The following LAMB4 variants were observed in gnomAD, a reference collection of about 807,000 sequenced individuals.
LAMB4 encodes laminin subunit beta 4, also known as laminin subunit beta-4.
LAMB4 carries 196 observed loss-of-function variants against 199.2 expected under a neutral mutation model. That is an observed-to-expected ratio of 0.98 (90% CI 0.88 to 1.11). The LOEUF is 1.11. LAMB4 is among the 50% of genes least tolerant of loss of function. LAMB4 has a pLI of 0.00. For missense variants in LAMB4, 2,080 were observed against 2,171.2 expected, an observed-to-expected ratio of 0.96 and a Z score of 0.83; for synonymous variants, 744 against 770.6, an observed-to-expected ratio of 0.97 and a Z score of 0.57.
intron 2 of LAMB4, among the ~76,000 whole-genome samples, chr7:108,121,192 G>A (rs912067058): frequency 6.6e-6 from 1 of 152,166 alleles, no homozygotes; most frequent in African/African-American, 2.4e-5. Flanking sequence ...AAGATAGAAT[G>A]TTATGAACTT....
rs867930542 is a variant in LAMB4 at position 108,065,920 on chromosome 7, C to T, written c.2679-1G>A. ...ATTTCCATAGTAACCATCAATACAC[C>T]TGTCAAGACAATTTCCTTTCACCAA... is the stretch of plus-strand genomic sequence containing the variant. On this transcript the variant is annotated splice_acceptor_variant, in intron 20 of 33. Transcript: ENST00000388781. LOFTEE classifies it high-confidence loss of function. The T allele has an allele frequency of 1.2e-6, 2 of 1,608,970 alleles. No homozygotes were observed. Among genetic ancestry groups the T allele is most frequent in the Admixed American group, 1.7e-5 (1 of 58,678 alleles).
chr7:108,092,008 C>A lies in LAMB4; in HGVS notation c.1551-232G>T, dbSNP rs140626231. Among the ~76,000 whole-genome samples, 1,428 of 152,212 alleles carry A rather than the reference C, an allele frequency of 9.4e-3. 7 individuals are homozygous for A. Among genetic ancestry groups the A allele is most frequent in the Middle Eastern group, 0.017 (5 of 294 alleles). Reference sequence around the variant, plus strand: ...ACTTTCCCCACCCTCCGCCCCCAACCCCCCACTGCCAGGTTCTGCTCTAAA... The same window carrying A: ...ACTTTCCCCACCCTCCGCCCCCAACACCCCACTGCCAGGTTCTGCTCTAAA... On this transcript the variant is annotated intron_variant, in intron 13 of 33. Coordinates refer to ENST00000388781, the MANE Select transcript of LAMB4 (RefSeq NM_007356.3).
At chr7:108,064,750 G>GGAA (rs2036277645) in intron 21 of LAMB4, among the ~76,000 whole-genome samples, 1 of 152,064 alleles carries the variant, frequency 6.6e-6, no homozygotes, top group Middle Eastern at 3.4e-3. Flanking sequence ...ACAAATGAGG[G>GGAA]GAAAATCAGG....
At chr7:108,114,350 G>T (rs762077310) in intron 3 of LAMB4, among the ~76,000 whole-genome samples, 17 of 152,134 alleles carry the variant, frequency 1.1e-4, no homozygotes, top group Non-Finnish European at 2.1e-4. Context: ...GAGGTGGGAA[G>T]ATCACCTGAG....
At chr7:108,089,056 A>C (rs1226892895) in intron 14 of LAMB4, among the ~76,000 whole-genome samples, 5 of 152,134 alleles carry the variant, frequency 3.3e-5, no homozygotes, top group Non-Finnish European at 5.9e-5. Flanking sequence ...TGCATAGAAG[A>C]GGTTGCTAGG....
At chr7:108,022,125 T>C (rs910302111), downstream of LAMB4, among the ~76,000 whole-genome samples, 1 of 152,196 alleles carries the variant, frequency 6.6e-6, no homozygotes, top group African/African-American at 2.4e-5. Flanking sequence ...GCCTGATGCA[T>C]AGTTGTCCTT....
rs79713002 is a variant in LAMB4, at chr7:108,128,556, C to T, written c.-34+1750G>A. Among the ~76,000 whole-genome samples the T allele has an allele frequency of 4.8e-3, 730 of 152,258 alleles. 8 individuals are homozygous for T. The highest frequency in any genetic ancestry group is 0.017 in the African/African-American group (689 of 41,538). ...AAAATCACTCACCTCTAGTCTTCCT[C>T]CCCATTTTCTATTTCCCATTTTAGG... On this transcript the variant is annotated intron_variant, in intron 1 of 33. Transcript: ENST00000388781.
chr7:108,112,564 A>T (rs2038269332), intron 3 of LAMB4, among the ~76,000 whole-genome samples: 1 of 152,158 alleles, frequency 6.6e-6, no homozygotes, highest in African/African-American at 2.4e-5. Context: ...AAGTGATGAG[A>T]TTACAGGTGT....
chr7:108,064,846 T>C (rs968627340), intron 21 of LAMB4, among the ~76,000 whole-genome samples: 1 of 152,140 alleles, frequency 6.6e-6, no homozygotes, highest in Admixed American at 6.5e-5. Flanking sequence ...ATAAGTTATC[T>C]TCTTATTTTC....
intron 14 of LAMB4, among the ~76,000 whole-genome samples, chr7:108,082,875 AG>A (rs1334024826): frequency 2.0e-5 from 3 of 152,148 alleles, no homozygotes; most frequent in African/African-American, 7.2e-5. Context: ...CCCCATTTAA[AG>A]CACCAGTCTT....
intron 3 of LAMB4, 123 bp downstream of exon 3, chr7:108,115,881 G>A: frequency 9.6e-7 from 1 of 1,038,512 alleles, no homozygotes; most frequent in Non-Finnish European, 1.4e-6. Flanking sequence ...AACTGCACCA[G>A]TGTCTCCATT....
intron 30 of LAMB4, among the ~76,000 whole-genome samples, chr7:108,036,258 TG>T (rs927615131): frequency 6.6e-6 from 1 of 151,796 alleles, no homozygotes; most frequent in Non-Finnish European, 1.5e-5. Flanking sequence ...GGCGCAATCT[TG>T]GCTCACTGCA....
At chr7:108,046,974 C>T (rs145741773) in intron 28 of LAMB4, among the ~76,000 whole-genome samples, 11 of 151,040 alleles carry the variant, frequency 7.3e-5, no homozygotes, top group African/African-American at 2.4e-4. Context: ...CCTGTGTTTC[C>T]CAGGCAGGTC....
At chr7:108,055,555 G>C (rs2035954325) in intron 25 of LAMB4, 77 bp downstream of exon 25, 1 of 1,401,482 alleles carries the variant, frequency 7.1e-7, no homozygotes, top group African/African-American at 1.4e-5. Flanking sequence ...TAAATTGAAG[G>C]CTGACGATGT....
intron 23 of LAMB4, among the ~76,000 whole-genome samples, chr7:108,058,436 T>G (rs931859696): frequency 6.6e-6 from 1 of 152,260 alleles, no homozygotes; most frequent in Non-Finnish European, 1.5e-5. Context: ...TACTTAACTG[T>G]GTTTTTCAGA....
At chr7:108,024,628 G>A (rs2034769344) in intron 33 of LAMB4, among the ~76,000 whole-genome samples, 1 of 152,098 alleles carries the variant, frequency 6.6e-6, no homozygotes, top group South Asian at 2.1e-4. Context: ...AACAGTAACA[G>A]CTAAGTGATG....
In LAMB4 at chr7:108,106,552, A is replaced by T; in HGVS notation, c.612T>A (p.Asp204Glu). The change falls in exon 7 of 34, where the codon GAT (aspartate) becomes GAA (glutamate). Residue 204 changes from aspartate (D) to glutamate (E), a missense_variant. Transcript: ENST00000388781. ...AAGGGTTTTCAATTTCAAAACTGGG[A>T]TCCAAAACTTTTAAAACAACCTGTA... is the stretch of plus-strand genomic sequence containing the variant. ...TGGEVVLKVL[D>E]PSFEIENPYS... The T allele has an allele frequency of 6.4e-7, 1 of 1,574,196 alleles. No homozygotes were observed. The highest frequency in any genetic ancestry group is 8.7e-7 in the Non-Finnish European group (1 of 1,145,416).
chr7:108,020,187 C>G (rs1445186083), downstream of LAMB4, among the ~76,000 whole-genome samples: 12 of 152,056 alleles, frequency 7.9e-5, no homozygotes, highest in South Asian at 2.5e-3. Flanking sequence ...TCAGTCAACT[C>G]GAATTAAGAA....
At chr7:108,028,442 C>A (rs1050757553) in intron 33 of LAMB4, among the ~76,000 whole-genome samples, 1 of 151,678 alleles carries the variant, frequency 6.6e-6, no homozygotes, top group Non-Finnish European at 1.5e-5. Context: ...ATCTCACCCC[C>A]CGTTGAGAAC....
Sources: gnomAD v4.1 joint callset for allele counts (sites outside exome capture counted in the v4.1 genomes callset) on GRCh38, gnomAD v4.1.1 for gene constraint, MANE v1.5 for transcripts, NCBI Gene and HGNC (gene_info 2026-07-23, HGNC 2026-07-21) for gene names.